Variants in IL1RAPL1 observed in about 807,000 individuals in gnomAD.
IL1RAPL1 encodes interleukin 1 receptor accessory protein like 1, also known as interleukin-1 receptor accessory protein-like 1.
In IL1RAPL1, 3 loss-of-function variants were observed where a neutral mutation model predicts 48.4. The ratio of observed to expected loss-of-function variants is 0.06; its 90% CI spans 0.03 to 0.16. IL1RAPL1 has a LOEUF of 0.16. Ranked by LOEUF, IL1RAPL1 falls within the 10% of genes least tolerant of loss-of-function variation. The pLI is 1.00. For synonymous variants in IL1RAPL1, 185 were observed against 187.7 expected (o/e 0.99, Z 0.12); for missense variants, 349 against 530.6 (o/e 0.66, Z 3.36).
In IL1RAPL1 at chrX:28,724,949, GT is replaced by G. The variant is rs749264109; in HGVS notation, c.-24-64353del. Among the ~76,000 whole-genome samples, 342 of 81,708 alleles carry G rather than the reference GT, an allele frequency of 4.2e-3. 1 individual carries two copies. Among genetic ancestry groups the G allele is most frequent in the African/African-American group, 0.014 (274 of 20,209 alleles). 71.0% of individuals were successfully genotyped at this position (81,708 alleles called of 115,157 possible). A position where few individuals can be genotyped will look rare whatever the true frequency, so the allele number is the denominator to read the frequency against. ...TTGACGTCTACCTCCAACTCAATTT[GT>G]TTTTTTTTTTTTTTTTTCTGAGACG... On this transcript the variant is annotated intron_variant, in intron 1 of 10. Coordinates refer to ENST00000378993, the MANE Select transcript of IL1RAPL1 (RefSeq NM_014271.4).
At chrX:29,889,534 A>T (rs1932233234) in intron 6 of IL1RAPL1, among the ~76,000 whole-genome samples, 1 of 111,939 alleles carries the variant, frequency 8.9e-6, no homozygotes, top group Non-Finnish European at 1.9e-5. Context: ...TAATCCATAT[A>T]ATACTCTGTA....
intron 6 of IL1RAPL1, among the ~76,000 whole-genome samples, chrX:29,678,418 G>A (rs1267529727): frequency 4.4e-5 from 4 of 91,295 alleles, no homozygotes; most frequent in Admixed American, 3.9e-4. Flanking sequence ...GCAGTGGCGC[G>A]ATCTCGGCTC....
rs1296886217 is a variant in IL1RAPL1 at position 29,279,055 on chromosome X, A to C, written c.83-3883A>C. 3.6e-5 allele frequency among the ~76,000 whole-genome samples: 4 copies of C among 112,448 alleles called. No individual in the cohort carries two copies. The Admixed American group carries it at 3.8e-4, about 11-fold the overall frequency. On this transcript the variant is annotated intron_variant, in intron 2 of 10. Coordinates refer to ENST00000378993, the MANE Select transcript of IL1RAPL1 (RefSeq NM_014271.4). ...ATGAGGCAAACCGTTAACAAAGGAA[A>C]AAAATATATCTCCTTCATCACTTCT...
rs1569282345 is a variant in IL1RAPL1, at chrX:29,310,143, AAAAAAC to A, written c.362+26932_362+26937del. Among the ~76,000 whole-genome samples, 23 of 99,798 alleles carry A rather than the reference AAAAAAC, an allele frequency of 2.3e-4. 1 individual carries two copies. The highest frequency in any genetic ancestry group is 7.7e-4 in the African/African-American group (20 of 25,833). The allele number at this position is 99,798 out of a possible 115,157, so 86.7% of individuals were successfully genotyped here. ...AAAAAAAAAAAAGAAAGGAAAAAAAAAAAAACAAAAAAAGGGTAAGTCGGGAGCTTA... is the reference window on the plus strand; with the variant it reads ...AAAAAAAAAAAAGAAAGGAAAAAAAAAAAAAAAGGGTAAGTCGGGAGCTTA... On this transcript the variant is annotated intron_variant, in intron 3 of 10. Transcript: ENST00000378993.
At chrX:29,462,944 C>T (rs1398294198) in intron 5 of IL1RAPL1, among the ~76,000 whole-genome samples, 1 of 111,541 alleles carries the variant, frequency 9.0e-6, no homozygotes, top group East Asian at 2.8e-4. Context: ...TGTTTGGCAT[C>T]TCACATCTCT....
intron 2 of IL1RAPL1, among the ~76,000 whole-genome samples, chrX:28,862,541 A>C (rs1350214078): frequency 9.0e-6 from 1 of 111,668 alleles, no homozygotes; most frequent in Non-Finnish European, 1.9e-5. Flanking sequence ...TAGAGGCTCA[A>C]CTTCAGGCCA....
intron 2 of IL1RAPL1, among the ~76,000 whole-genome samples, chrX:28,879,504 G>A (rs2147313157): frequency 9.0e-6 from 1 of 111,352 alleles, no homozygotes; most frequent in Non-Finnish European, 1.9e-5. Flanking sequence ...TTTACATTTG[G>A]TCAGGAGTAT....
chrX:29,310,010 C>T (rs1333741132), intron 3 of IL1RAPL1, among the ~76,000 whole-genome samples: 1 of 94,022 alleles, frequency 1.1e-5, no homozygotes, highest in Non-Finnish European at 2.0e-5. Context: ...AGGAGAATGG[C>T]GTGAAACCGG....
At chrX:28,894,400 G>A (rs1922851873) in intron 2 of IL1RAPL1, among the ~76,000 whole-genome samples, 1 of 111,077 alleles carries the variant, frequency 9.0e-6, no homozygotes, top group African/African-American at 3.3e-5. Flanking sequence ...TGAGGAACAG[G>A]AAAGAAGGAA....
chrX:29,099,331 A>G (rs1378635768), intron 2 of IL1RAPL1, among the ~76,000 whole-genome samples: 1 of 111,864 alleles, frequency 8.9e-6, no homozygotes, highest in African/African-American at 3.3e-5. Context: ...GCCATAAATT[A>G]TATTATATTG....
intron 2 of IL1RAPL1, among the ~76,000 whole-genome samples, chrX:29,164,804 A>G (rs866370576): frequency 9.2e-6 from 1 of 108,460 alleles, no homozygotes; most frequent in Non-Finnish European, 1.9e-5. Context: ...ATTATTGTGT[A>G]TGTGTGTGTG....
chrX:28,747,073 A>G (rs1207658840), intron 1 of IL1RAPL1, among the ~76,000 whole-genome samples: 1 of 110,897 alleles, frequency 9.0e-6, no homozygotes, highest in African/African-American at 3.3e-5. Context: ...ATAATTAATG[A>G]CATTCTAGTC....
intron 6 of IL1RAPL1, among the ~76,000 whole-genome samples, chrX:29,912,048 G>A (rs1161363527): frequency 8.9e-6 from 1 of 112,105 alleles, no homozygotes; most frequent in Non-Finnish European, 1.9e-5. Context: ...TGGAAGTTTT[G>A]AGTATCTATT....
chrX:29,560,853 A>G (rs1922172128), intron 5 of IL1RAPL1, among the ~76,000 whole-genome samples: 1 of 111,553 alleles, frequency 9.0e-6, no homozygotes, highest in African/African-American at 3.3e-5. Flanking sequence ...CAGTTCTTAG[A>G]TCTTTATTTA....
intron 2 of IL1RAPL1, among the ~76,000 whole-genome samples, chrX:29,186,597 C>T (rs1930256745): frequency 9.0e-6 from 1 of 111,066 alleles, no homozygotes; most frequent in South Asian, 3.8e-4. Context: ...CATTAAGTTA[C>T]CACGGTTGCA....
intron 3 of IL1RAPL1, among the ~76,000 whole-genome samples, chrX:29,365,202 G>T (rs1400837297): frequency 9.0e-6 from 1 of 111,310 alleles, no homozygotes; most frequent in Non-Finnish European, 1.9e-5. Context: ...GAGTTCCTGG[G>T]TGAGGGTCTT....
intron 5 of IL1RAPL1, among the ~76,000 whole-genome samples, chrX:29,552,802 C>CCTT (rs766024975): frequency 4.8e-4 from 11 of 23,014 alleles, no homozygotes; most frequent in Non-Finnish European, 7.5e-4. Flanking sequence ...TTTCACTCTC[C>CCTT]TTTTTTTTTT....
At chrX:28,948,987 G>A (rs1276202972) in intron 2 of IL1RAPL1, among the ~76,000 whole-genome samples, 2 of 110,730 alleles carry the variant, frequency 1.8e-5, no homozygotes, top group South Asian at 3.8e-4. Context: ...CTGAAACCAC[G>A]GAAAATGAAG....
At position 28,836,336 on chromosome X, in the gene IL1RAPL1, T is replaced by TTATATA. The variant is rs34343530; in HGVS notation, c.82+46933_82+46938dup. On this transcript the variant is annotated intron_variant, in intron 2 of 10. Transcript: ENST00000378993. ...ATAAAATGCCTTTTGCTTCCCAATT[T>TTATATA]TATATATATATATATATATATATAT... is the stretch of plus-strand genomic sequence containing the variant. Among the ~76,000 whole-genome samples, 218 of 85,284 alleles carry TTATATA rather than the reference T, an allele frequency of 2.6e-3. 6 individuals carry two copies. The highest frequency in any genetic ancestry group is 7.4e-3 in the African/African-American group (158 of 21,265). The allele number at this position is 85,284 out of a possible 115,157, so 74.1% of individuals were successfully genotyped here.
Sources: allele counts gnomAD v4.1 joint callset (sites outside exome capture counted in the v4.1 genomes callset), GRCh38; gene constraint gnomAD v4.1.1; transcripts MANE v1.5; gene names NCBI Gene and HGNC (gene_info 2026-07-23, HGNC 2026-07-21).